CNTNAP2: variants seen among roughly 807,000 people sequenced by gnomAD.
CNTNAP2 encodes contactin-associated protein-like 2.
Under a neutral mutation model 155.2 loss-of-function variants are expected in CNTNAP2, and 98 were observed. The ratio of observed to expected loss-of-function variants is 0.63; its 90% CI spans 0.54 to 0.75. The LOEUF (loss-of-function observed/expected upper bound fraction) is 0.75. CNTNAP2 is among the 30% of genes least tolerant of loss of function. The pLI, the probability that CNTNAP2 is intolerant of heterozygous loss-of-function variation, is 0.00. For missense variants in CNTNAP2, 1,727 were observed against 1,688.1 expected, an observed-to-expected ratio of 1.02 and a Z score of -0.40; for synonymous variants, 651 against 631.2, an observed-to-expected ratio of 1.03 and a Z score of -0.47.
At chr7:148,314,273 G>A (rs1038001270) in intron 21 of CNTNAP2, among the ~76,000 whole-genome samples, 2 of 152,168 alleles carry the variant, frequency 1.3e-5, no homozygotes, top group African/African-American at 4.8e-5. Flanking sequence ...AGGGACCGAT[G>A]TGTAAAAGAG....
chr7:148,001,938 TG>T (rs776772280), intron 15 of CNTNAP2, among the ~76,000 whole-genome samples: 2 of 152,214 alleles, frequency 1.3e-5, no homozygotes, highest in African/African-American at 4.8e-5. Context: ...TTATATTTTA[TG>T]GTTTTCCAAA....
chr7:147,322,542 T>A (rs1166885463), intron 9 of CNTNAP2, among the ~76,000 whole-genome samples: 1 of 151,772 alleles, frequency 6.6e-6, no homozygotes, highest in African/African-American at 2.4e-5. Context: ...TTCTCTTTTT[T>A]GGTTGTGTCT....
chr7:146,345,958 A>G (rs556866789), intron 1 of CNTNAP2, among the ~76,000 whole-genome samples: 2 of 152,276 alleles, frequency 1.3e-5, no homozygotes, highest in South Asian at 4.1e-4. Flanking sequence ...ATGAATACAT[A>G]TTTATTGAGT....
chr7:147,631,742 A>T (rs889450462), intron 12 of CNTNAP2, among the ~76,000 whole-genome samples: 2 of 152,284 alleles, frequency 1.3e-5, no homozygotes, highest in Middle Eastern at 3.4e-3. Flanking sequence ...AGGATACCCT[A>T]TTCAACAAAT....
chr7:147,865,518 G>C (rs973474395), intron 13 of CNTNAP2, among the ~76,000 whole-genome samples: 1 of 152,126 alleles, frequency 6.6e-6, no homozygotes, highest in African/African-American at 2.4e-5. Flanking sequence ...GCTCCTCTTT[G>C]TACCTCTGGT....
chr7:146,296,131 G>C (rs1800510992), intron 1 of CNTNAP2, among the ~76,000 whole-genome samples: 1 of 152,048 alleles, frequency 6.6e-6, no homozygotes, highest in Non-Finnish European at 1.5e-5. Context: ...CTCTGATGTT[G>C]GAATCACAAG....
chr7:146,625,320 G>A (rs1799400769), intron 1 of CNTNAP2, among the ~76,000 whole-genome samples: 1 of 151,464 alleles, frequency 6.6e-6, no homozygotes, highest in East Asian at 1.9e-4. Flanking sequence ...GGATAGAGAT[G>A]CATAAAAGGA....
intron 4 of CNTNAP2, among the ~76,000 whole-genome samples, chr7:147,090,746 TG>T (rs985184722): frequency 6.6e-6 from 1 of 152,138 alleles, no homozygotes; most frequent in African/African-American, 2.4e-5. Context: ...CAATTATATG[TG>T]GTTTTTAGGA....
chr7:148,002,473 C>G (rs986715176), intron 15 of CNTNAP2, among the ~76,000 whole-genome samples: 1 of 152,146 alleles, frequency 6.6e-6, no homozygotes, highest in African/African-American at 2.4e-5. Flanking sequence ...TTGAAACCCT[C>G]TGAAGGCTAT....
rs1263703287 is a variant in CNTNAP2, at chr7:147,427,194, T to C, written c.1670+31414T>C. ...GAGTGTTCCATGTATTCTTGAACCCTTTTATAAGGATGTTAGTCCCATTCA... is the reference window on the plus strand; with the variant it reads ...GAGTGTTCCATGTATTCTTGAACCCCTTTATAAGGATGTTAGTCCCATTCA... On this transcript the variant is annotated intron_variant, in intron 10 of 23. Transcript: ENST00000361727. Among the ~76,000 whole-genome samples the C allele has an allele frequency of 2.6e-5, 4 of 152,080 alleles. No individual in the cohort carries two copies. In the East Asian group the frequency reaches 7.7e-4, roughly 29 times the overall value.
In CNTNAP2 at chr7:148,383,407, T is replaced by C. The variant is rs1637843; in HGVS notation, c.3476-242T>C. ...GAAGTAGCCAGAAGGTACTGAGAAA[T>C]GTATTTTATCACATATAGTCTTATT... On this transcript the variant is annotated intron_variant, in intron 21 of 23. Transcript: ENST00000361727. Among the ~76,000 whole-genome samples the C allele has an allele frequency of 0.71, 108,551 of 151,970 alleles. 39,924 individuals are homozygous for C. The highest frequency in any genetic ancestry group is 0.81 in the Admixed American group (12,311 of 15,286).
intron 8 of CNTNAP2, among the ~76,000 whole-genome samples, chr7:147,256,156 A>G (rs913739408): frequency 6.6e-6 from 1 of 152,212 alleles, no homozygotes; most frequent in Non-Finnish European, 1.5e-5. Flanking sequence ...AGTGAGGAAG[A>G]CTGGGTCATA....
At chr7:146,552,646 CTCTT>C (rs1798139444) in intron 1 of CNTNAP2, among the ~76,000 whole-genome samples, 1 of 152,092 alleles carries the variant, frequency 6.6e-6, no homozygotes, top group Non-Finnish European at 1.5e-5. Context: ...CTTTCCTTCT[CTCTT>C]AGAGTTAAAA....
At chr7:147,418,572 A>G (rs1797238612) in intron 10 of CNTNAP2, among the ~76,000 whole-genome samples, 1 of 152,212 alleles carries the variant, frequency 6.6e-6, no homozygotes. Flanking sequence ...CCCCAGAGTA[A>G]TGATAGTCTA....
intron 1 of CNTNAP2, among the ~76,000 whole-genome samples, chr7:146,742,886 A>T (rs1048268371): frequency 6.6e-6 from 1 of 152,180 alleles, no homozygotes; most frequent in African/African-American, 2.4e-5. Context: ...AATATTTTAA[A>T]GCTATTTCTC....
rs550130797 is a variant in CNTNAP2, at chr7:148,331,052, T to C, written c.3476-52597T>C. ...GGAGTGGATGGATGGAATGGACGGATGGGATGGATGGAGTGGATGGATGGA... is the reference window on the plus strand; with the variant it reads ...GGAGTGGATGGATGGAATGGACGGACGGGATGGATGGAGTGGATGGATGGA... On this transcript the variant is annotated intron_variant, in intron 21 of 23. Transcript: ENST00000361727. Among the ~76,000 whole-genome samples the C allele has an allele frequency of 6.3e-3, 893 of 142,402 alleles. 28 individuals carry two copies. The highest frequency in any genetic ancestry group is 0.022 in the African/African-American group (849 of 37,746). The allele number at this position is 142,402 out of a possible 152,430, so 93.4% of individuals were successfully genotyped here.
chr7:147,626,509 C>A (rs978412537), intron 12 of CNTNAP2, among the ~76,000 whole-genome samples: 2 of 152,158 alleles, frequency 1.3e-5, no homozygotes, highest in South Asian at 2.1e-4. Flanking sequence ...ACCTGCATAA[C>A]CCTGCCCTGA....
At chr7:148,310,817 G>A (rs952613517) in intron 21 of CNTNAP2, among the ~76,000 whole-genome samples, 1 of 152,132 alleles carries the variant, frequency 6.6e-6, no homozygotes, top group Non-Finnish European at 1.5e-5. Context: ...GGTGGCAGCC[G>A]TCAGAGGTTG....
chr7:147,925,156 A>AGAAGGAAGGG (rs772992835), intron 14 of CNTNAP2, among the ~76,000 whole-genome samples: 1 of 61,230 alleles, frequency 1.6e-5, no homozygotes. Flanking sequence ...AGAGAGAGAG[A>AGAAGGAAGGG]AGGAAGGAAG....
Sources: gnomAD v4.1 joint callset for allele counts (sites outside exome capture counted in the v4.1 genomes callset) on GRCh38, gnomAD v4.1.1 for gene constraint, MANE v1.5 for transcripts, NCBI Gene and HGNC (gene_info 2026-07-23, HGNC 2026-07-21) for gene names.